MGAT3: variants seen among roughly 807,000 people sequenced by gnomAD.
MGAT3 encodes GlcNAc-T III.
A neutral mutation model predicts 29.8 loss-of-function variants in MGAT3; 9 were observed. The observed-to-expected ratio is 0.30, with a 90% CI of 0.18 to 0.53. The LOEUF is 0.53. Among genes scored for constraint, MGAT3 ranks in the 20% least tolerant of loss-of-function variants. The pLI, the probability that MGAT3 is intolerant of heterozygous loss-of-function variation, is 0.96. For synonymous variants in MGAT3, 397 were observed against 348.9 expected (o/e 1.14, Z -1.54); for missense variants, 557 against 769.5 (o/e 0.72, Z 3.27).
intron 1 of MGAT3, among the ~76,000 whole-genome samples, chr22:39,481,267 C>T (rs910212080): frequency 3.3e-5 from 5 of 151,950 alleles, no homozygotes; most frequent in Non-Finnish European, 7.4e-5. Context: ...CTGCTCACGT[C>T]GCCTCCTCGG....
chr22:39,479,560 G>T (rs559207147), intron 1 of MGAT3, among the ~76,000 whole-genome samples: 61 of 152,318 alleles, frequency 4.0e-4, no homozygotes, highest in Middle Eastern at 6.8e-3. Flanking sequence ...CCCTGCCAGG[G>T]ACTCACCTCC....
intron 1 of MGAT3, among the ~76,000 whole-genome samples, chr22:39,470,097 G>A (rs1341575449): frequency 6.6e-6 from 1 of 152,236 alleles, no homozygotes; most frequent in African/African-American, 2.4e-5. Flanking sequence ...GGGGGGTGGG[G>A]AACAGTGGCG....
rs772973154 is a variant in MGAT3 at position 39,489,309 on chromosome 22, G to C, written c.*360G>C. 2.0e-5 allele frequency: 6 copies of C among 299,456 alleles called. No individual in the cohort carries two copies. The highest frequency in any genetic ancestry group is 3.3e-5 in the Non-Finnish European group (5 of 151,026). The allele number at this position is 299,456 out of a possible 1,614,324, so 18.5% of individuals were successfully genotyped here. On this transcript the variant is annotated 3_prime_UTR_variant, in exon 2 of 2. Transcript: ENST00000341184. ...TGCAGGATCTCACCAGGCAGCCTCT[G>C]GGGGGTGGCCAGGCCGGGAAAAAGC...
In MGAT3 at chr22:39,487,374, T is replaced by C; in HGVS notation, c.27T>C (p.Phe9=). The change falls in exon 2 of 2, where the codon TTT becomes TTC. Residue 9 remains phenylalanine (F), a synonymous_variant. Coordinates refer to ENST00000341184, the MANE Select transcript of MGAT3 (RefSeq NM_002409.5). This position sits in a 1 kb window ranked among gnomAD's most constrained non-coding sequence, Gnocchi z 5.7. MKMRRYKL[F]LMFCMAGLCL... The stretch of plus-strand genomic sequence containing the variant: ...TGAAGATGAGACGCTACAAGCTCTT[T>C]CTCATGTTCTGTATGGCCGGCCTGT... 1 of 1,613,060 alleles carries C rather than the reference T, an allele frequency of 6.2e-7. No homozygotes were observed.
intron 1 of MGAT3, among the ~76,000 whole-genome samples, chr22:39,470,657 T>C (rs923274714): frequency 6.6e-6 from 1 of 151,852 alleles, no homozygotes; most frequent in Non-Finnish European, 1.5e-5. Context: ...CCTGGGAGCA[T>C]TTGGGGGAAC....
intron 1 of MGAT3, among the ~76,000 whole-genome samples, chr22:39,468,375 AAC>A (rs1476341793): frequency 6.6e-6 from 1 of 152,124 alleles, no homozygotes; most frequent in Non-Finnish European, 1.5e-5. Context: ...TGAGGCAGTG[AAC>A]ACACAGCCGT....
intron 1 of MGAT3, among the ~76,000 whole-genome samples, chr22:39,471,147 T>TG (rs1381499764): frequency 6.6e-6 from 1 of 152,140 alleles, no homozygotes; most frequent in Non-Finnish European, 1.5e-5. Flanking sequence ...CTGGGAGCCC[T>TG]GGGGGTGGGG....
chr22:39,466,484 C>T (rs11913574), intron 1 of MGAT3, among the ~76,000 whole-genome samples: 4,256 of 152,292 alleles, frequency 0.028, 224 homozygotes, highest in African/African-American at 0.099. Context: ...CCTCTTTCTT[C>T]CCCCGCGTCC....
intron 1 of MGAT3, among the ~76,000 whole-genome samples, chr22:39,461,847 A>C (rs1928506181): frequency 6.6e-6 from 1 of 152,020 alleles, no homozygotes; most frequent in Non-Finnish European, 1.5e-5. Flanking sequence ...GTTCCAGGAT[A>C]GTCCCCTCTA....
intron 1 of MGAT3, among the ~76,000 whole-genome samples, chr22:39,462,961 GC>G (rs1928537704): frequency 6.6e-6 from 1 of 152,196 alleles, no homozygotes; most frequent in South Asian, 2.1e-4. Context: ...GGACCTCAGA[GC>G]CTGCTCTCCG....
At position 39,487,188 on chromosome 22, in the gene MGAT3, G is replaced by A. The variant is rs1341029275; in HGVS notation, c.-1-159G>A. The A allele has an allele frequency of 1.2e-5, 3 of 254,274 alleles. No individual in the cohort carries two copies. The highest frequency in any genetic ancestry group is 4.6e-5 in the African/African-American group (2 of 43,106). The allele number at this position is 254,274 out of a possible 1,614,324, so 15.8% of individuals were successfully genotyped here. A position where few individuals can be genotyped will look rare whatever the true frequency, so the allele number is the denominator to read the frequency against. ...GGGCTTTCAGGGGCCTTGGTACCGCGAGTTGACTCTTGGGGGCAGGAGGTC... is the reference window on the plus strand; with the variant it reads ...GGGCTTTCAGGGGCCTTGGTACCGCAAGTTGACTCTTGGGGGCAGGAGGTC... On this transcript the variant is annotated intron_variant, in intron 1 of 1. Transcript: ENST00000341184. The surrounding 1 kb of genome is among the most constrained non-coding windows in gnomAD (Gnocchi z 5.7).
chr22:39,486,719 T>G (rs1258843269), intron 1 of MGAT3, among the ~76,000 whole-genome samples: 1 of 152,110 alleles, frequency 6.6e-6, no homozygotes, highest in Non-Finnish European at 1.5e-5. Context: ...CAAGCTGGTC[T>G]CAAACTCCTG....
chr22:39,487,398 G>T lies in MGAT3; in HGVS notation c.51G>T (p.Leu17=). 1 of 1,613,658 alleles carries T rather than the reference G, an allele frequency of 6.2e-7. No homozygotes were observed. Among genetic ancestry groups the T allele is most frequent in the Non-Finnish European group, 8.5e-7 (1 of 1,179,964 alleles). ...TTCTCATGTTCTGTATGGCCGGCCTGTGCCTCATCTCCTTCCTGCACTTCT... is the reference window on the plus strand; with the variant it reads ...TTCTCATGTTCTGTATGGCCGGCCTTTGCCTCATCTCCTTCCTGCACTTCT... ...KLFLMFCMAG[L]CLISFLHFFK... The change falls in exon 2 of 2, where the codon CTG becomes CTT. Residue 17 remains leucine, a synonymous_variant. Coordinates refer to ENST00000341184, the MANE Select transcript of MGAT3 (RefSeq NM_002409.5). The surrounding 1 kb of genome is among the most constrained non-coding windows in gnomAD (Gnocchi z 5.7).
chr22:39,486,957 C>G (rs1205419160), intron 1 of MGAT3, among the ~76,000 whole-genome samples: 5 of 152,214 alleles, frequency 3.3e-5, no homozygotes, highest in Non-Finnish European at 1.5e-5. Flanking sequence ...ACAGCCTGCT[C>G]TCCCCGTTCT....
intron 1 of MGAT3, among the ~76,000 whole-genome samples, chr22:39,465,084 G>A (rs1327198773): frequency 6.6e-6 from 1 of 152,140 alleles, no homozygotes; most frequent in African/African-American, 2.4e-5. Context: ...CTCCACTCCA[G>A]GACCAGAGCT....
At position 39,457,339 on chromosome 22, in the gene MGAT3, C is replaced by T. The variant is rs1205996277; in HGVS notation, c.-220C>T. ...GCAGCCGAGCGGCCGCGCCGGGTCC[C>T]CGGGACGGGGTGGAAGTGGGGGTGG... On this transcript the variant is annotated 5_prime_UTR_variant, in exon 1 of 2. Coordinates refer to ENST00000341184, the MANE Select transcript of MGAT3 (RefSeq NM_002409.5). The surrounding 1 kb of genome is among the most constrained non-coding windows in gnomAD (Gnocchi z 6.8). 4.1e-5 allele frequency: 5 copies of T among 121,076 alleles called. No homozygotes were observed. The highest frequency in any genetic ancestry group is 9.3e-5 in the African/African-American group (3 of 32,372). The allele number at this position is 121,076 out of a possible 1,614,324, so 7.5% of individuals were successfully genotyped here. A position where few individuals can be genotyped will look rare whatever the true frequency, so the allele number is the denominator to read the frequency against.
chr22:39,461,250 A>C (rs2039478320), intron 1 of MGAT3, among the ~76,000 whole-genome samples: 1 of 152,184 alleles, frequency 6.6e-6, no homozygotes, highest in Non-Finnish European at 1.5e-5. Context: ...TGAGGAGGAA[A>C]GGATGCAGAG....
Position 39,488,275 on chromosome 22 carries a change from G to C in MGAT3, c.928G>C (p.Asp310His). 6.2e-7 allele frequency: 1 copy of C among 1,611,496 alleles called. No homozygotes were observed. The highest frequency in any genetic ancestry group is 8.5e-7 in the Non-Finnish European group (1 of 1,179,944). ...GVSRLRNLRP[D>H]DVFIIDDADE... The stretch of plus-strand genomic sequence containing the variant: ...CTCGCGGCTGCGCAACCTGCGGCCC[G>C]ACGACGTCTTCATCATTGACGATGC... Residue 310 changes from aspartate (D) to histidine (H), a missense_variant, in exon 2 of 2, where the codon GAC becomes CAC. Physicochemically the swap from Asp to His is moderately conservative, Grantham distance 81. This residue lies in a region of MGAT3 where 243 missense variants were observed against 444.0 expected (regional missense o/e 0.55). Transcript: ENST00000341184.
rs58543840 is a variant in MGAT3 at position 39,475,128 on chromosome 22, C to CTTTTTTTTTT, written c.-1-12206_-1-12197dup. Among the ~76,000 whole-genome samples the CTTTTTTTTTT allele has an allele frequency of 1.7e-3, 206 of 118,744 alleles. 7 individuals carry two copies. The highest frequency in any genetic ancestry group is 6.8e-3 in the African/African-American group (183 of 27,034). The allele number at this position is 118,744 out of a possible 152,430, so 77.9% of individuals were successfully genotyped here. On this transcript the variant is annotated intron_variant, in intron 1 of 1. Coordinates refer to ENST00000341184, the MANE Select transcript of MGAT3 (RefSeq NM_002409.5). ...TGAATTCACAGCAGGGCTTGCCAGG[C>CTTTTTTTTTT]TTTTTTTTTTTTTTTTTTTTTTAAC... is the stretch of plus-strand genomic sequence containing the variant.
Sources: gnomAD v4.1 joint callset for allele counts (sites outside exome capture counted in the v4.1 genomes callset) on GRCh38, gnomAD v4.1.1 for gene constraint, gnomAD v4.1.1 regional missense constraint, Gnocchi (gnomAD v3.1) non-coding constraint, MANE v1.5 for transcripts, NCBI Gene and HGNC (gene_info 2026-07-23, HGNC 2026-07-21) for gene names.